Variants in PPEF1 observed in about 807,000 individuals in gnomAD.
PPEF1 encodes the protein serine/threonine-protein phosphatase with EF-hands 1.
PPEF1 carries 12 observed loss-of-function variants against 53.3 expected under a neutral mutation model. That is an observed-to-expected ratio of 0.23 (90% CI 0.14 to 0.36). The LOEUF is 0.36. Among genes scored for constraint, PPEF1 ranks in the 10% least tolerant of loss-of-function variants. The pLI, the probability that PPEF1 is intolerant of heterozygous loss-of-function variation, is 1.00. For missense variants in PPEF1, 334 were observed against 490.4 expected (o/e 0.68, Z 3.01); for synonymous variants, 165 against 176.7 (o/e 0.93, Z 0.52).
chrX:18,709,043 T>C (rs868100871), intron 1 of PPEF1, among the ~76,000 whole-genome samples: 3 of 112,063 alleles, frequency 2.7e-5, no homozygotes, highest in African/African-American at 9.7e-5. Flanking sequence ...TGCATGTAAG[T>C]GGAAATATTA....
At position 18,816,721 on chromosome X, in the gene PPEF1, T is replaced by G. The variant is rs142543835; in HGVS notation, c.1395-1318T>G. ...TGTAGTTTTGAGCTCTGTTGTTAGG[T>G]TCTCATGTGTTTATAATTGCTTCAT... is the stretch of plus-strand genomic sequence containing the variant. On this transcript the variant is annotated intron_variant, in intron 12 of 15. Coordinates refer to ENST00000470157, the MANE Select transcript of PPEF1 (RefSeq NM_001377996.1). Among the ~76,000 whole-genome samples, 361 of 111,956 alleles carry G rather than the reference T, an allele frequency of 3.2e-3. 4 individuals are homozygous for G. The highest frequency in any genetic ancestry group is 0.029 in the Admixed American group (303 of 10,492).
intron 7 of PPEF1, among the ~76,000 whole-genome samples, chrX:18,781,920 GTTGTTCAGTCTTTTCT>G (rs765857025): frequency 0.015 from 1,699 of 110,769 alleles, 38 homozygotes; most frequent in African/African-American, 0.05. Context: ...TAGGTAACAA[GTTGTTCAGTCTTTTCT>G]TTGTTCAGTC....
At chrX:18,775,483 C>T (rs1170967296) in intron 6 of PPEF1, among the ~76,000 whole-genome samples, 1 of 112,031 alleles carries the variant, frequency 8.9e-6, no homozygotes, top group African/African-American at 3.2e-5. Context: ...CCTCAGCCTC[C>T]TGAAGTGTTG....
chrX:18,745,951 G>A (rs930997503), intron 3 of PPEF1, among the ~76,000 whole-genome samples: 1 of 112,089 alleles, frequency 8.9e-6, no homozygotes, highest in African/African-American at 3.2e-5. Context: ...TGTTTTCAAA[G>A]TGACATGTGG....
chrX:18,752,646 T>C (rs1478206021), intron 4 of PPEF1, among the ~76,000 whole-genome samples: 1 of 111,149 alleles, frequency 9.0e-6, no homozygotes, highest in East Asian at 2.8e-4. Context: ...TAAAAGTCTT[T>C]TATCATGTTG....
chrX:18,691,613 G>A (rs1463428738), intron 4 of PPEF1: 1 of 111,643 alleles, frequency 9.0e-6, no homozygotes, highest in Non-Finnish European at 1.9e-5. Flanking sequence ...CCTGTAGAAG[G>A]AAAAGAAGAA....
At chrX:18,808,839 C>T (rs1375540528) in intron 12 of PPEF1, among the ~76,000 whole-genome samples, 2 of 111,050 alleles carry the variant, frequency 1.8e-5, no homozygotes, top group Admixed American at 9.7e-5. Flanking sequence ...TTATAGAAAA[C>T]GGTATAGAAG....
At chrX:18,695,718 A>T (rs1354339908) in intron 4 of PPEF1, among the ~76,000 whole-genome samples, 1 of 112,768 alleles carries the variant, frequency 8.9e-6, no homozygotes, top group Non-Finnish European at 1.9e-5. Context: ...CTAGGGTTAG[A>T]TTAAGCAGTG....
intron 1 of PPEF1, among the ~76,000 whole-genome samples, chrX:18,712,675 C>G (rs1293824479): frequency 8.9e-6 from 1 of 111,943 alleles, no homozygotes; most frequent in Non-Finnish European, 1.9e-5. Context: ...GAGTAGCCAT[C>G]CTTGTCTTGT....
chrX:18,766,133 G>A (rs976607236), intron 6 of PPEF1, among the ~76,000 whole-genome samples: 7 of 109,714 alleles, frequency 6.4e-5, no homozygotes, highest in African/African-American at 2.3e-4. Context: ...TGTACTTAAT[G>A]GTGTCTCAGA....
At chrX:18,692,581 C>G (rs749550905) in intron 4 of PPEF1, among the ~76,000 whole-genome samples, 3 of 111,923 alleles carry the variant, frequency 2.7e-5, no homozygotes, top group African/African-American at 9.7e-5. Flanking sequence ...TTGGCTCCTT[C>G]TTCCCCTTCA....
At chrX:18,729,954 C>T (rs370166858) in intron 1 of PPEF1, among the ~76,000 whole-genome samples, 1 of 112,085 alleles carries the variant, frequency 8.9e-6, no homozygotes, top group East Asian at 2.8e-4. Context: ...AGTCTTACTC[C>T]AAAACTTCTG....
chrX:18,695,525 G>A (rs1252316526), intron 4 of PPEF1, among the ~76,000 whole-genome samples: 1 of 112,023 alleles, frequency 8.9e-6, no homozygotes, highest in African/African-American at 3.2e-5. Flanking sequence ...TCAAATAGCT[G>A]TTTCATGGAT....
chrX:18,690,386 G>T lies in PPEF1; in HGVS notation c.-425-596G>T, dbSNP rs753592681. 3.6e-4 allele frequency among the ~76,000 whole-genome samples: 37 copies of T among 102,690 alleles called. 1 individual carries two copies. The South Asian group carries it at 0.017, about 48-fold the overall frequency. 89.2% of individuals were successfully genotyped at this position (102,690 alleles called of 115,157 possible). ...TTTTTTTTTTTTTTTTTTGGCGGGG[G>T]GCAGGCGTGGAACAGAGTCTTACTC... is the stretch of plus-strand genomic sequence containing the variant. On this transcript the variant is annotated intron_variant, in intron 3 of 21. Coordinates refer to the PPEF1 transcript ENST00000361511.
upstream of PPEF1, among the ~76,000 whole-genome samples, chrX:18,679,064 G>A (rs937497447): frequency 1.8e-5 from 2 of 111,369 alleles, no homozygotes; most frequent in South Asian, 3.8e-4. Context: ...CCCTAAATCC[G>A]CTTCTCTCTT....
intron 5 of PPEF1, among the ~76,000 whole-genome samples, chrX:18,759,448 A>G (rs1306018507): frequency 9.0e-6 from 1 of 111,626 alleles, no homozygotes; most frequent in African/African-American, 3.3e-5. Context: ...TATGCCCCGT[A>G]GTTTTCAGCA....
chrX:18,823,232 A>G (rs2147763814), intron 13 of PPEF1, among the ~76,000 whole-genome samples: 1 of 112,384 alleles, frequency 8.9e-6, no homozygotes, highest in South Asian at 3.7e-4. Context: ...TTGAAAAATT[A>G]CATATATTAG....
chrX:18,823,910 T>C lies in PPEF1; in HGVS notation c.1502-13T>C. ...TTAACAAATCATTTGGGCTTTGTTA[T>C]TGTTGTTGTTAGGAAAACTTTCTGT... On this transcript the variant is annotated splice_polypyrimidine_tract_variant and intron_variant, in intron 13 of 15. Transcript: ENST00000470157. 8.3e-7 allele frequency: 1 copy of C among 1,202,902 alleles called. No individual in the cohort carries two copies. Among genetic ancestry groups the C allele is most frequent in the South Asian group, 1.8e-5 (1 of 55,628 alleles).
At chrX:18,685,684 C>CAA (rs1212907646) in intron 2 of PPEF1, among the ~76,000 whole-genome samples, 21 of 28,648 alleles carry the variant, frequency 7.3e-4, no homozygotes, top group South Asian at 1.9e-3. Flanking sequence ...GACTCCATCT[C>CAA]AAAAAAAAAA....
Sources: allele counts gnomAD v4.1 joint callset (sites outside exome capture counted in the v4.1 genomes callset), GRCh38; gene constraint gnomAD v4.1.1; transcripts MANE v1.5; gene names NCBI Gene and HGNC (gene_info 2026-07-23, HGNC 2026-07-21).